SH3D21: variants seen among roughly 807,000 people sequenced by gnomAD.
The protein encoded by SH3D21 is manchette microtubule inner protein 1, also known as SH3 domain-containing protein 21.
SH3D21 carries 83 observed loss-of-function variants against 82.1 expected under a neutral mutation model. That is an observed-to-expected ratio of 1.01 (90% CI 0.85 to 1.21). SH3D21 has a LOEUF of 1.21. Among genes scored for constraint, SH3D21 ranks in the 50% most tolerant of loss-of-function variants. The probability of loss-of-function intolerance (pLI) is 0.00; values close to 1 mark genes in which losing one functional copy is unlikely to be tolerated. For synonymous variants in SH3D21, 383 were observed against 387.8 expected, an observed-to-expected ratio of 0.99 and a Z score of 0.15; for missense variants, 980 against 962.1, an observed-to-expected ratio of 1.02 and a Z score of -0.25.
chr1:36,307,474 T>C lies in SH3D21; in HGVS notation c.346-43T>C. The stretch of plus-strand genomic sequence containing the variant: ...GGGTGGCAGATTATCCTAGGGACTC[T>C]TGGGGCAGAACCAGACGCCTCTGCG... On this transcript the variant is annotated intron_variant, in intron 4 of 15. Coordinates refer to ENST00000453908, the MANE Select transcript of SH3D21 (RefSeq NM_001162530.2). The surrounding 1 kb of genome is among the most constrained non-coding windows in gnomAD (Gnocchi z 5.4). The C allele has an allele frequency of 8.1e-7, 1 of 1,234,506 alleles. No individual in the cohort carries two copies. The highest frequency in any genetic ancestry group is 1.1e-6 in the Non-Finnish European group (1 of 894,902). 76.5% of individuals were successfully genotyped at this position (1,234,506 alleles called of 1,614,324 possible). A position where few individuals can be genotyped will look rare whatever the true frequency, so the allele number is the denominator to read the frequency against.
chr1:36,307,130 G>A lies in SH3D21; in HGVS notation c.227-37G>A, dbSNP rs1435776477. The A allele has an allele frequency of 3.2e-6, 5 of 1,550,000 alleles. No individual in the cohort carries two copies. The highest frequency in any genetic ancestry group is 3.5e-6 in the Non-Finnish European group (4 of 1,146,102). ...TTCCCCCAGCTCCTCTGACTGGGGC[G>A]TCCGACTGGAGCTCAGCCGCGCTTG... On this transcript the variant is annotated intron_variant, in intron 3 of 15. Coordinates refer to ENST00000453908, the MANE Select transcript of SH3D21 (RefSeq NM_001162530.2). This position sits in a 1 kb window ranked among gnomAD's most constrained non-coding sequence, Gnocchi z 5.4.
At chr1:36,315,220 G>A (rs1646320740) in intron 10 of SH3D21, among the ~76,000 whole-genome samples, 1 of 151,764 alleles carries the variant, frequency 6.6e-6, no homozygotes, top group Non-Finnish European at 1.5e-5. Context: ...AGGTTGTAGT[G>A]AGCCAAGATC....
chr1:36,328,280 C>G (rs1017535805), downstream of SH3D21: 4 of 383,304 alleles, frequency 1.0e-5, no homozygotes, highest in Non-Finnish European at 2.1e-5. Context: ...AGCTCTGCTC[C>G]CGGCCCCAGT....
chr1:36,311,069 C>T (rs558013110), intron 10 of SH3D21, among the ~76,000 whole-genome samples: 29 of 151,860 alleles, frequency 1.9e-4, no homozygotes, highest in South Asian at 1.5e-3. Flanking sequence ...CCACCATGCC[C>T]GGCTAATATT....
chr1:36,318,938 A>AATAATG (rs1419194463), intron 10 of SH3D21, 133 bp from the exon 11 acceptor site: 2 of 363,214 alleles, frequency 5.5e-6, no homozygotes, highest in African/African-American at 4.3e-5. Context: ...TAATAATAAT[A>AATAATG]ATACAAAAAT....
At chr1:36,322,859 C>G, downstream of SH3D21, 1 of 1,508,704 alleles carries the variant, frequency 6.6e-7, no homozygotes, top group South Asian at 1.2e-5. Flanking sequence ...GAACCGCCAG[C>G]GGGCAAGAGG....
downstream of SH3D21, among the ~76,000 whole-genome samples, chr1:36,326,027 A>G (rs561715185): frequency 6.6e-6 from 1 of 152,194 alleles, no homozygotes; most frequent in Non-Finnish European, 1.5e-5. Flanking sequence ...TCACAGGGAC[A>G]TCCACAGTGA....
At chr1:36,327,483 C>T (rs115550404), downstream of SH3D21, among the ~76,000 whole-genome samples, 1,533 of 152,306 alleles carry the variant, frequency 0.01, 20 homozygotes, top group African/African-American at 0.035. Context: ...TATGTGCAGT[C>T]TAAAATTTTG....
chr1:36,322,411 G>C, downstream of SH3D21: 2 of 1,600,902 alleles, frequency 1.2e-6, no homozygotes, highest in Non-Finnish European at 1.7e-6. Context: ...ATCCGTTCGC[G>C]CTCCTCCAGC....
chr1:36,315,426 T>C (rs1272715218), intron 10 of SH3D21, among the ~76,000 whole-genome samples: 2 of 152,076 alleles, frequency 1.3e-5, no homozygotes, highest in East Asian at 1.9e-4. Context: ...CTCAGCTCAC[T>C]GCAACCCCTG....
Position 36,308,186 on chromosome 1 carries a change from GA to G in SH3D21, c.617del (p.Asp206AlafsTer3). On this transcript the variant is annotated frameshift_variant, in exon 8 of 16. Coordinates refer to ENST00000453908, the MANE Select transcript of SH3D21 (RefSeq NM_001162530.2). LOFTEE classifies it high-confidence loss of function. ...AGACGAGTTGGCGCTGCGGAGGGGG[GA>G]CGTGGTAAAAGTACTCAGCAAGGTG... ...APDELALRRG[D>X]VVKVLSKTTE... 6.5e-7 allele frequency: 1 copy of G among 1,545,298 alleles called. No individual in the cohort carries two copies.
intron 10 of SH3D21, among the ~76,000 whole-genome samples, chr1:36,314,844 G>A (rs1048910431): frequency 2.6e-5 from 4 of 152,028 alleles, no homozygotes; most frequent in Non-Finnish European, 5.9e-5. Context: ...TTGAACCAAT[G>A]TCAAATCCCA....
At chr1:36,309,621 G>A (rs961697017) in intron 10 of SH3D21, 31 bp downstream of exon 10, 1 of 1,551,106 alleles carries the variant, frequency 6.4e-7, no homozygotes. Flanking sequence ...GGATTGGGGG[G>A]TGTTCTCTGG....
intron 10 of SH3D21, among the ~76,000 whole-genome samples, chr1:36,310,666 C>T (rs71651910): frequency 6.6e-5 from 10 of 151,938 alleles, no homozygotes; most frequent in Admixed American, 6.6e-4. Context: ...TCACCTAAAC[C>T]TAAGGACTAG....
chr1:36,321,298 A>G lies in SH3D21; in HGVS notation c.*171A>G. 6.9e-7 allele frequency: 1 copy of G among 1,439,922 alleles called. No individual in the cohort carries two copies. The highest frequency in any genetic ancestry group is 2.5e-5 in the East Asian group (1 of 39,958). 89.2% of individuals were successfully genotyped at this position (1,439,922 alleles called of 1,614,324 possible). ...CAGGGCCTGGGCCTCCGCATTCCTG[A>G]CGGTCCCTCCCAGGCACATCTGGCC... On this transcript the variant is annotated 3_prime_UTR_variant, in exon 16 of 16. Transcript: ENST00000453908. The surrounding 1 kb of genome is among the most constrained non-coding windows in gnomAD (Gnocchi z 6.1).
Position 36,309,579 on chromosome 1 carries a change from C to G in SH3D21, c.758C>G (p.Ser253Cys), listed in dbSNP as rs992425087. ...AAGCTGGTCCCACGGAAAGTGGTAT[C>G]TCGGGAATCAGGTGAGTGCCCGGGG... ...IKKLVPRKVV[S>C]RESAPIKEPK... Residue 253 changes from serine (S) to cysteine (C), a missense_variant, in exon 10 of 16, where the codon TCT (serine) becomes TGT (cysteine). Transcript: ENST00000453908. The G allele has an allele frequency of 6.4e-7, 1 of 1,551,542 alleles. No individual in the cohort carries two copies. Among genetic ancestry groups the G allele is most frequent in the African/African-American group, 1.4e-5 (1 of 73,048 alleles).
intron 10 of SH3D21, among the ~76,000 whole-genome samples, chr1:36,310,246 G>A (rs777641585): frequency 6.6e-5 from 10 of 152,128 alleles, no homozygotes; most frequent in Admixed American, 1.3e-4. Context: ...GAGCCACTGC[G>A]CCCAGCCTTA....
Position 36,320,661 on chromosome 1 carries a change from C to G in SH3D21, c.1998C>G (p.Ser666=), listed in dbSNP as rs1286479328. The G allele has an allele frequency of 1.2e-6, 2 of 1,614,150 alleles. No homozygotes were observed. Among genetic ancestry groups the G allele is most frequent in the Non-Finnish European group, 1.7e-6 (2 of 1,180,060 alleles). ...GTCCTATCAAGCCGCCTCCAGACTC[C>G]CAAGAGACGCTCGCGCTCCCCTCGC... The part of the protein sequence containing the change: ...KTRPIKPPPD[S]QETLALPSLV... The change falls in exon 14 of 16, where the codon TCC becomes TCG. Residue 666 remains serine, a synonymous_variant. Coordinates refer to ENST00000453908, the MANE Select transcript of SH3D21 (RefSeq NM_001162530.2).
intron 9 of SH3D21, among the ~76,000 whole-genome samples, chr1:36,309,292 GTTC>G (rs1322238146): frequency 6.6e-6 from 1 of 151,810 alleles, no homozygotes. Context: ...CCCCTCTCAG[GTTC>G]AAGCGACTCT....
Sources: gnomAD v4.1 joint callset for allele counts (sites outside exome capture counted in the v4.1 genomes callset) on GRCh38, gnomAD v4.1.1 for gene constraint, Gnocchi (gnomAD v3.1) non-coding constraint, MANE v1.5 for transcripts, NCBI Gene and HGNC (gene_info 2026-07-23, HGNC 2026-07-21) for gene names.